The following DDRGK1 variants were observed in gnomAD, a reference collection of about 807,000 sequenced individuals.
DDRGK1 encodes DDRGK domain-containing protein 1.
In DDRGK1, 38 loss-of-function variants were observed where a neutral mutation model predicts 45.8. The observed-to-expected ratio is 0.83, with a 90% CI of 0.64 to 1.09. The LOEUF is 1.09. Among genes scored for constraint, DDRGK1 ranks in the 50% least tolerant of loss-of-function variants. DDRGK1 has a pLI of 0.00. For synonymous variants in DDRGK1, 171 were observed against 168.7 expected (o/e 1.01, Z -0.11); for missense variants, 403 against 419.9 (o/e 0.96, Z 0.35).
chr20:3,197,225 A>G (rs948294049), intron 4 of DDRGK1, among the ~76,000 whole-genome samples: 3 of 20,092 alleles, frequency 1.5e-4, no homozygotes, highest in East Asian at 6.3e-4. Context: ...TCCATCTCAG[A>G]AAAAAAAAAA....
Position 3,198,719 on chromosome 20 carries a change from AC to A in DDRGK1, c.510+1281del, listed in dbSNP as rs376825159. Reference sequence around the variant, plus strand: ...CCGTTTCAAAAAAAAAAAAAAAAAAACAAAACAGAAATTCTGATAAACTGTC... The same window carrying A: ...CCGTTTCAAAAAAAAAAAAAAAAAAAAAAACAGAAATTCTGATAAACTGTC... On this transcript the variant is annotated intron_variant, in intron 4 of 8. Transcript: ENST00000354488. Among the ~76,000 whole-genome samples, 35 of 141,816 alleles carry A rather than the reference AC, an allele frequency of 2.5e-4. 1 individual carries two copies. Among genetic ancestry groups the A allele is most frequent in the African/African-American group, 6.9e-4 (26 of 37,876 alleles). 93.0% of individuals were successfully genotyped at this position (141,816 alleles called of 152,430 possible).
chr20:3,199,962 T>C, intron 4 of DDRGK1, 39 bp downstream of exon 4: 2 of 1,546,840 alleles, frequency 1.3e-6, no homozygotes, highest in Non-Finnish European at 1.7e-6. Flanking sequence ...CTGCCTTGCC[T>C]GGTCAAGGGT....
At chr20:3,191,991 ACACACACACT>A (rs1224971645) in intron 6 of DDRGK1, among the ~76,000 whole-genome samples, 170 bp from the exon 7 acceptor site, 2 of 150,278 alleles carry the variant, frequency 1.3e-5, no homozygotes, top group Non-Finnish European at 3.0e-5. Flanking sequence ...ACACACACAC[ACACACACACT>A]CACTATCACC....
At position 3,190,665 on chromosome 20, in the gene DDRGK1, T is replaced by G; in HGVS notation, c.933A>C (p.Gln311His). The change falls in exon 9 of 9, where the codon CAA (glutamine) becomes CAC (histidine). Residue 311 changes from glutamine to histidine, a missense_variant. By Grantham distance (24) the Gln-to-His change is conservative. Coordinates refer to ENST00000354488, the MANE Select transcript of DDRGK1 (RefSeq NM_023935.3). Reference protein sequence around the residue: ...LIAWGRESPAQAPA With the variant: ...LIAWGRESPAHAPA ...GGAAGGACTGGGGTCAGGCTGGGGC[T>G]TGGGCAGGGGACTCCCGGCCCCAGG... 3.1e-6 allele frequency: 5 copies of G among 1,613,798 alleles called. No homozygotes were observed. Among genetic ancestry groups the G allele is most frequent in the Non-Finnish European group, 4.2e-6 (5 of 1,179,964 alleles).
In DDRGK1 at chr20:3,190,633, C is replaced by T. The variant is rs202033279; in HGVS notation, c.*20G>A. 1.9e-5 allele frequency: 30 copies of T among 1,612,588 alleles called. No individual in the cohort carries two copies. In the Admixed American group the frequency reaches 2.0e-4, roughly 11 times the overall value. On this transcript the variant is annotated 3_prime_UTR_variant, in exon 9 of 9. Coordinates refer to ENST00000354488, the MANE Select transcript of DDRGK1 (RefSeq NM_023935.3). ...CAGGTAGGCCACACCAACTCTGAGT[C>T]CAAGAGGGAAGGACTGGGGTCAGGC...
chr20:3,190,808 C>A lies in DDRGK1; in HGVS notation c.790G>T (p.Asp264Tyr). 1.9e-6 allele frequency: 3 copies of A among 1,612,042 alleles called. No individual in the cohort carries two copies. The highest frequency in any genetic ancestry group is 1.7e-5 in the Admixed American group (1 of 59,670). ...GTTATGTAGATGAACTTGCCCCGGT[C>A]GTCAATCACACCTGTGGGGACATGC... is the stretch of plus-strand genomic sequence containing the variant. ...AEGTITGVID[D>Y]RGKFIYITPE... The change falls in exon 9 of 9, where the codon GAC becomes TAC. Residue 264 changes from aspartate to tyrosine, a missense_variant. Coordinates refer to ENST00000354488, the MANE Select transcript of DDRGK1 (RefSeq NM_023935.3).
chr20:3,192,865 G>A (rs1203760740), intron 6 of DDRGK1, among the ~76,000 whole-genome samples: 1 of 152,168 alleles, frequency 6.6e-6, no homozygotes, highest in Admixed American at 6.5e-5. Context: ...AAATGCCAAA[G>A]CCGTATGTAC....
At chr20:3,199,867 C>G (rs2067028021) in intron 4 of DDRGK1, 134 bp downstream of exon 4, 2 of 763,206 alleles carry the variant, frequency 2.6e-6, no homozygotes, top group South Asian at 4.2e-5. Context: ...GCCTAGGGAC[C>G]AAATAAACCA....
intron 6 of DDRGK1, among the ~76,000 whole-genome samples, 176 bp downstream of exon 6, chr20:3,194,654 G>C (rs368127568): frequency 1.3e-5 from 2 of 152,246 alleles, no homozygotes; most frequent in African/African-American, 2.4e-5. Flanking sequence ...CTCCACCTTC[G>C]GGGTTGGAGG....
intron 2 of DDRGK1, 64 bp from the exon 3 acceptor site, chr20:3,200,518 C>CGT: frequency 7.0e-7 from 1 of 1,426,298 alleles, no homozygotes; most frequent in Non-Finnish European, 9.7e-7. Flanking sequence ...CGATGGATCC[C>CGT]CAACCCCTCG....
chr20:3,200,683 G>C (rs1431053661), intron 2 of DDRGK1, among the ~76,000 whole-genome samples: 1 of 152,206 alleles, frequency 6.6e-6, no homozygotes, highest in Non-Finnish European at 1.5e-5. Flanking sequence ...CAAGGGAAAA[G>C]ATGAGAACTT....
chr20:3,200,929 T>C (rs143600950), intron 2 of DDRGK1, among the ~76,000 whole-genome samples: 2 of 152,052 alleles, frequency 1.3e-5, no homozygotes, highest in Non-Finnish European at 2.9e-5. Flanking sequence ...GCTAACATGG[T>C]GAAACCTCAT....
At chr20:3,204,486 G>C in intron 1 of DDRGK1, 51 bp downstream of exon 1, 1 of 1,524,390 alleles carries the variant, frequency 6.6e-7, no homozygotes, top group Non-Finnish European at 8.8e-7. Flanking sequence ...CAAAGGCTCA[G>C]AAGGCCAGAA....
chr20:3,199,114 C>T (rs893514401), intron 4 of DDRGK1, among the ~76,000 whole-genome samples: 3 of 152,010 alleles, frequency 2.0e-5, no homozygotes, highest in Non-Finnish European at 2.9e-5. Flanking sequence ...AAGATCGTGC[C>T]ATTGCACTCC....
At chr20:3,203,164 C>T (rs771681976) in intron 2 of DDRGK1, 49 bp downstream of exon 2, 4 of 1,443,012 alleles carry the variant, frequency 2.8e-6, no homozygotes, top group African/African-American at 2.9e-5. Flanking sequence ...GCCCTTTTAT[C>T]CCCCCCTCCA....
rs769200812 is a variant in DDRGK1 at position 3,191,245 on chromosome 20, G to A, written c.730-7C>T. 3 of 1,614,078 alleles carry A rather than the reference G, an allele frequency of 1.9e-6. No homozygotes were observed. Among genetic ancestry groups the A allele is most frequent in the Non-Finnish European group, 1.7e-6 (2 of 1,179,984 alleles). On this transcript the variant is annotated splice_polypyrimidine_tract_variant and splice_region_variant and intron_variant, in intron 7 of 8. Transcript: ENST00000354488. ...GGATGCGATTTATGGTGTCCTATGA[G>A]GAGAACAACTCTCAGAATAGAGATA...
chr20:3,192,125 C>T (rs200154482), intron 6 of DDRGK1, among the ~76,000 whole-genome samples: 12 of 151,350 alleles, frequency 7.9e-5, no homozygotes, highest in Admixed American at 2.0e-4. Context: ...CCGAGACACA[C>T]GAGTGGTAAT....
rs1179666059 is a variant in DDRGK1 at position 3,204,534 on chromosome 20, T to C, written c.91+3A>G. On this transcript the variant is annotated splice_donor_region_variant and intron_variant, in intron 1 of 8. Transcript: ENST00000354488. ...CCAACCCTGGTGCAGCGGCATCTCC[T>C]ACCTGATGCCGCCCGGCCCCGGCTG... 18 of 1,558,168 alleles carry C rather than the reference T, an allele frequency of 1.2e-5. No individual in the cohort carries two copies. Among genetic ancestry groups the C allele is most frequent in the Non-Finnish European group, 1.5e-5 (17 of 1,158,618 alleles).
chr20:3,200,442 T>G lies in DDRGK1; in HGVS notation c.308A>C (p.Glu103Ala). Residue 103 changes from glutamate (E) to alanine (A), a missense_variant, in exon 3 of 9, where the codon GAA (glutamate) becomes GCA (alanine). By Grantham distance (107) the Glu-to-Ala change is moderately radical. Transcript: ENST00000354488. ...EEAVILAQEE[E>A]GVEKPAETHL... is the part of the protein sequence containing the mutation. ...AGTTTCCGCTGGCTTCTCGACACCT[T>G]CCTCCTCCTGGGCTGGGTATGGTCA... 6.4e-7 allele frequency: 1 copy of G among 1,574,296 alleles called. No individual in the cohort carries two copies. Among genetic ancestry groups the G allele is most frequent in the Non-Finnish European group, 8.6e-7 (1 of 1,159,222 alleles).
Sources: gnomAD v4.1 joint callset for allele counts (sites outside exome capture counted in the v4.1 genomes callset) on GRCh38, gnomAD v4.1.1 for gene constraint, MANE v1.5 for transcripts, NCBI Gene and HGNC (gene_info 2026-07-23, HGNC 2026-07-21) for gene names.